FAM222B: variants seen among roughly 807,000 people sequenced by gnomAD.
FAM222B encodes family with sequence similarity 222 member B.
Under a neutral mutation model 38.0 loss-of-function variants are expected in FAM222B, and 12 were observed. That is an observed-to-expected ratio of 0.32 (90% confidence interval 0.20 to 0.51). FAM222B has a LOEUF of 0.51. FAM222B is among the 20% of genes least tolerant of loss of function. The pLI, the probability that FAM222B is intolerant of heterozygous loss-of-function variation, is 0.97. For missense variants in FAM222B, 716 were observed against 754.2 expected, an observed-to-expected ratio of 0.95 and a Z score of 0.59; for synonymous variants, 329 against 317.2, an observed-to-expected ratio of 1.04 and a Z score of -0.40.
chr17:28,799,980 G>A lies in FAM222B; in HGVS notation c.-40-33273C>T, dbSNP rs570623482. Among the ~76,000 whole-genome samples, 5 of 151,414 alleles carry A rather than the reference G, an allele frequency of 3.3e-5. No individual in the cohort carries two copies. In the East Asian group the frequency reaches 9.7e-4, roughly 29 times the overall value. The stretch of plus-strand genomic sequence containing the variant: ...CACATACCAAAGACTGCTGTTGTAT[G>A]TAACTATGACTTTGATAAAGACTGG... On this transcript the variant is annotated intron_variant, in intron 1 of 2. Coordinates refer to ENST00000581407, the MANE Select transcript of FAM222B (RefSeq NM_001077498.3).
intron 1 of FAM222B, chr17:28,849,611 C>T (rs1404785599): frequency 6.6e-6 from 1 of 152,226 alleles, no homozygotes; most frequent in Non-Finnish European, 1.5e-5. Flanking sequence ...CACAAGCGCC[C>T]ACCTCCTCTT....
At chr17:28,818,807 A>G (rs1419502942) in intron 1 of FAM222B, among the ~76,000 whole-genome samples, 1 of 152,222 alleles carries the variant, frequency 6.6e-6, no homozygotes, top group African/African-American at 2.4e-5. Flanking sequence ...CATGGTAGAA[A>G]AAGTAAAAAG....
chr17:28,815,671 A>G (rs1470429606), intron 1 of FAM222B, among the ~76,000 whole-genome samples: 1 of 152,120 alleles, frequency 6.6e-6, no homozygotes, highest in Non-Finnish European at 1.5e-5. Context: ...TACAAAAAAT[A>G]CAAAAATTAG....
At chr17:28,852,085 T>A (rs1216637995) in intron 1 of FAM222B, among the ~76,000 whole-genome samples, 2 of 151,150 alleles carry the variant, frequency 1.3e-5, no homozygotes, top group Non-Finnish European at 1.5e-5. Flanking sequence ...AAAAGCAACG[T>A]GGCCTGGCGC....
At chr17:28,852,966 G>A (rs1457748659) in intron 1 of FAM222B, among the ~76,000 whole-genome samples, 9 of 152,080 alleles carry the variant, frequency 5.9e-5, no homozygotes, top group Non-Finnish European at 1.3e-4. Flanking sequence ...GGTTGAGGTG[G>A]GCGGATCACC....
intron 1 of FAM222B, among the ~76,000 whole-genome samples, chr17:28,854,076 T>C (rs2039205554): frequency 6.6e-6 from 1 of 151,914 alleles, no homozygotes; most frequent in Admixed American, 6.6e-5. Context: ...CCTGAGTAGC[T>C]GGGACTACAG....
chr17:28,759,523 G>A lies in FAM222B; in HGVS notation c.436C>T (p.His146Tyr), dbSNP rs1483653533. 3.1e-6 allele frequency: 5 copies of A among 1,588,824 alleles called. No individual in the cohort carries two copies. In the South Asian group the frequency reaches 5.8e-5, roughly 18 times the overall value. Residue 146 changes from histidine (H) to tyrosine (Y), a missense_variant, in exon 3 of 3, where the codon CAC becomes TAC. His to Tyr is a moderately conservative substitution (Grantham distance 83). Transcript: ENST00000581407. This position sits in a 1 kb window ranked among gnomAD's most constrained non-coding sequence, Gnocchi z 4.8. Reference protein sequence around the residue: ...YATVAPSTLAHPQAQALARQQ... With the variant: ...YATVAPSTLAYPQAQALARQQ... ...CGGGCCAGAGCCTGGGCCTGGGGGTGGGCTAAAGTGCTGGGTGCCACAGTA... is the reference window on the plus strand; with the variant it reads ...CGGGCCAGAGCCTGGGCCTGGGGGTAGGCTAAAGTGCTGGGTGCCACAGTA...
chr17:28,810,996 G>T (rs966417890), intron 1 of FAM222B, among the ~76,000 whole-genome samples: 1 of 152,028 alleles, frequency 6.6e-6, no homozygotes, highest in Admixed American at 6.6e-5. Context: ...AACAATCGTG[G>T]GAAACTGAAC....
chr17:28,842,412 G>A lies in FAM222B; in HGVS notation c.-41+270C>T, dbSNP rs547278009. On this transcript the variant is annotated intron_variant, in intron 1 of 2. Transcript: ENST00000581407. ...TTCTCTGAAAGAAGCGGAAAGGAGAGGCGACCAAAAGCTCCTGGAGGAAGG... is the reference window on the plus strand; with the variant it reads ...TTCTCTGAAAGAAGCGGAAAGGAGAAGCGACCAAAAGCTCCTGGAGGAAGG... Among the ~76,000 whole-genome samples the A allele has an allele frequency of 2.0e-5, 3 of 152,202 alleles. No homozygotes were observed. The East Asian group carries it at 5.8e-4, about 29-fold the overall frequency.
chr17:28,778,677 T>TGTG (rs2036009086), intron 1 of FAM222B, among the ~76,000 whole-genome samples: 3 of 89,918 alleles, frequency 3.3e-5, no homozygotes, highest in South Asian at 9.5e-4. Context: ...CTAATTTTTT[T>TGTG]TTTGTGTGTG....
At chr17:28,798,319 C>T (rs1215323058) in intron 1 of FAM222B, among the ~76,000 whole-genome samples, 1 of 152,048 alleles carries the variant, frequency 6.6e-6, no homozygotes, top group Non-Finnish European at 1.5e-5. Context: ...GAGGTTGAGG[C>T]TGCAGTGAGC....
At position 28,757,262 on chromosome 17, in the gene FAM222B, G is replaced by A. The variant is rs1187463671; in HGVS notation, c.*1008C>T. On this transcript the variant is annotated 3_prime_UTR_variant, in exon 3 of 3. Transcript: ENST00000581407. ...GCACTAGAGGGTGAATGTACCTGTG[G>A]GGCCACTCACACACAATGCTACTCA... The A allele has an allele frequency of 2.0e-5, 3 of 152,454 alleles. No individual in the cohort carries two copies. The highest frequency in any genetic ancestry group is 6.6e-5 in the Admixed American group (1 of 15,246). The allele number at this position is 152,454 out of a possible 1,614,324, so 9.4% of individuals were successfully genotyped here.
rs748255395 is a variant in FAM222B at position 28,758,306 on chromosome 17, ACT to A, written c.1651_1652del (p.Arg552LysfsTer10). 1.0e-5 allele frequency: 16 copies of A among 1,600,040 alleles called. No homozygotes were observed. The highest frequency in any genetic ancestry group is 8.7e-5 in the Admixed American group (5 of 57,656). On this transcript the variant is annotated frameshift_variant, in exon 3 of 3. Coordinates refer to ENST00000581407, the MANE Select transcript of FAM222B (RefSeq NM_001077498.3). LOFTEE classifies it high-confidence loss of function. ...PGNRAPDPTE[S>X]RSLHIQHPGY... The stretch of plus-strand genomic sequence containing the variant: ...CTGGGTGCTGAATATGAAGACTTCG[ACT>A]CTCTGTGGGATCGGGGGCTCGGTTG...
At chr17:28,795,408 C>G (rs9907192) in intron 1 of FAM222B, among the ~76,000 whole-genome samples, 28,739 of 152,106 alleles carry the variant, frequency 0.19, 2,853 homozygotes, top group South Asian at 0.3. Context: ...GCCTCCCAAA[C>G]TGCTTACAGG....
rs1180005190 is a variant in FAM222B at position 28,759,391 on chromosome 17, G to A, written c.568C>T (p.Leu190Phe). 1 of 1,604,142 alleles carries A rather than the reference G, an allele frequency of 6.2e-7. No individual in the cohort carries two copies. The highest frequency in any genetic ancestry group is 1.3e-5 in the African/African-American group (1 of 74,882). ...PPQALSHPQS[L>F]QQPQGLGHPQ... is the part of the protein sequence containing the mutation. ...TGGCCCAGGCCCTGAGGCTGCTGGA[G>A]GCTCTGAGGGTGGGACAGTGCCTGG... Residue 190 changes from leucine (L) to phenylalanine (F), a missense_variant, in exon 3 of 3, where the codon CTC (leucine) becomes TTC (phenylalanine). Coordinates refer to ENST00000581407, the MANE Select transcript of FAM222B (RefSeq NM_001077498.3). The surrounding 1 kb of genome is among the most constrained non-coding windows in gnomAD (Gnocchi z 4.8).
chr17:28,760,697 A>G (rs1390971668), intron 2 of FAM222B, among the ~76,000 whole-genome samples: 8 of 152,174 alleles, frequency 5.3e-5, no homozygotes, highest in Non-Finnish European at 1.0e-4. Flanking sequence ...CCTTCAGTCT[A>G]GAGGGTACCC....
chr17:28,842,510 G>T (rs1323817390), intron 1 of FAM222B, among the ~76,000 whole-genome samples, 172 bp downstream of exon 1: 1 of 152,068 alleles, frequency 6.6e-6, no homozygotes, highest in Non-Finnish European at 1.5e-5. Context: ...CCAGCTCTGC[G>T]GCCGGCGACC....
At position 28,829,913 on chromosome 17, in the gene FAM222B, G is replaced by C. The variant is rs530029328; in HGVS notation, c.-41+12769C>G. Among the ~76,000 whole-genome samples, 9 of 151,804 alleles carry C rather than the reference G, an allele frequency of 5.9e-5. No individual in the cohort carries two copies. The South Asian group carries it at 1.9e-3, about 32-fold the overall frequency. ...AGCTGGAGTTGGAGTGCAGTGGCGC[G>C]ATCTCGGCTCACTGCAACCTTCACC... is the stretch of plus-strand genomic sequence containing the variant. On this transcript the variant is annotated intron_variant, in intron 1 of 2. Coordinates refer to ENST00000581407, the MANE Select transcript of FAM222B (RefSeq NM_001077498.3).
At chr17:28,777,908 C>A (rs538502687) in intron 1 of FAM222B, among the ~76,000 whole-genome samples, 1 of 151,856 alleles carries the variant, frequency 6.6e-6, no homozygotes, top group South Asian at 2.1e-4. Context: ...CCAACTTCAG[C>A]CTCCTGAGTA....
Sources: allele counts gnomAD v4.1 joint callset (sites outside exome capture counted in the v4.1 genomes callset), GRCh38; gene constraint gnomAD v4.1.1; non-coding constraint Gnocchi (gnomAD v3.1); transcripts MANE v1.5; gene names NCBI Gene and HGNC (gene_info 2026-07-23, HGNC 2026-07-21).